Variants in NHERF2 observed in about 807,000 individuals in gnomAD.
NHERF2 encodes NHERF family PDZ scaffold protein 2.
chr16:2,027,133 C>T, the NHERF2 span: 3 of 1,472,936 alleles, frequency 2.0e-6, no homozygotes, highest in Admixed American at 4.5e-5. Flanking sequence ...GAACCCGGTT[C>T]CCCCGCCGAG....
chr16:2,036,570 C>T, the NHERF2 span: 4 of 1,526,150 alleles, frequency 2.6e-6, no homozygotes, highest in Non-Finnish European at 2.6e-6. Context: ...GCCCTGGGTC[C>T]TTGCAGGGAG....
At chr16:2,037,754 T>G in the NHERF2 span, 1 of 1,549,928 alleles carries the variant, frequency 6.5e-7, no homozygotes, top group Non-Finnish European at 8.7e-7. Context: ...GGTTGCTCCC[T>G]AGGAGGGGCC....
the NHERF2 span, among the ~76,000 whole-genome samples, chr16:2,030,080 C>T: frequency 6.6e-6 from 1 of 152,210 alleles, no homozygotes; most frequent in Non-Finnish European, 1.5e-5. Context: ...CCTCCCCAGC[C>T]CCCAGCCTCG....
the NHERF2 span, chr16:2,035,553 A>G: frequency 2.0e-6 from 2 of 986,686 alleles, no homozygotes; most frequent in Non-Finnish European, 2.4e-6. Flanking sequence ...TGCTCCGGCC[A>G]CCGCCATGTT....
chr16:2,029,413 C>T, the NHERF2 span: 4 of 623,914 alleles, frequency 6.4e-6, no homozygotes, highest in Non-Finnish European at 1.1e-5. Flanking sequence ...GAGGGAGCCG[C>T]TGGAGTCCGG....
chr16:2,028,189 A>T, the NHERF2 span, among the ~76,000 whole-genome samples: 1 of 152,132 alleles, frequency 6.6e-6, no homozygotes, highest in African/African-American at 2.4e-5. Context: ...GAACCTAGAG[A>T]TTAGCAGGTT....
the NHERF2 span, among the ~76,000 whole-genome samples, chr16:2,028,551 T>G: frequency 1.3e-5 from 2 of 152,192 alleles, no homozygotes; most frequent in Admixed American, 6.5e-5. Context: ...TTGAGGAAAC[T>G]GATGCCAGAG....
At chr16:2,035,235 C>T in the NHERF2 span, among the ~76,000 whole-genome samples, 7 of 152,262 alleles carry the variant, frequency 4.6e-5, no homozygotes, top group South Asian at 1.5e-3. Flanking sequence ...CCCCTTGCTC[C>T]CTTGGCGGGG....
chr16:2,036,480 C>G, the NHERF2 span: 1,306 of 1,596,964 alleles, frequency 8.2e-4, 1 homozygote, highest in Non-Finnish European at 1.0e-3. Flanking sequence ...CTCTGGCCTC[C>G]GCGCCCAGGA....
At chr16:2,036,936 T>C in the NHERF2 span, 2 of 1,568,570 alleles carry the variant, frequency 1.3e-6, no homozygotes, top group Non-Finnish European at 1.7e-6. Flanking sequence ...GAGCAGCCAC[T>C]GACACGCTGT....
the NHERF2 span, chr16:2,037,449 A>G: frequency 1.3e-5 from 16 of 1,216,484 alleles, no homozygotes; most frequent in Non-Finnish European, 1.5e-5. Flanking sequence ...AGGAGCACAC[A>G]CTGGGGGGGG....
the NHERF2 span, chr16:2,037,685 A>C: frequency 3.2e-6 from 5 of 1,563,854 alleles, no homozygotes; most frequent in African/African-American, 4.1e-5. Context: ...CAGCCCGGGC[A>C]GTGGGGTCTC....
At chr16:2,034,742 C>T in the NHERF2 span, among the ~76,000 whole-genome samples, 12 of 135,534 alleles carry the variant, frequency 8.9e-5, no homozygotes, top group South Asian at 2.6e-4. Flanking sequence ...CCTGTCCCCA[C>T]GCCTTCCCTC....
the NHERF2 span, among the ~76,000 whole-genome samples, chr16:2,028,177 T>G: frequency 6.6e-6 from 1 of 152,242 alleles, no homozygotes; most frequent in Admixed American, 6.5e-5. Flanking sequence ...TGGCTGGTCC[T>G]GGAACCTAGA....
chr16:2,033,082 G>T, the NHERF2 span: 1 of 985,234 alleles, frequency 1.0e-6, no homozygotes, highest in Admixed American at 6.1e-5. Context: ...GGGTCCTGGG[G>T]CAGGGCAGGG....
chr16:2,037,732 G>A, the NHERF2 span: 2 of 1,550,214 alleles, frequency 1.3e-6, no homozygotes, highest in African/African-American at 1.4e-5. Flanking sequence ...GCCCCAGCAG[G>A]CAGCCTCTGT....
chr16:2,038,241 CACAG>C, the NHERF2 span: 2 of 572,686 alleles, frequency 3.5e-6, no homozygotes, highest in Non-Finnish European at 6.2e-6. Context: ...GAGAGAGAGA[CACAG>C]AGAGAGACAG....
At chr16:2,038,065 C>G in the NHERF2 span, 1 of 1,529,400 alleles carries the variant, frequency 6.5e-7, no homozygotes, top group South Asian at 1.2e-5. Flanking sequence ...CTCCCCCAGC[C>G]TCAGTGGACT....
chr16:2,036,140 C>G, the NHERF2 span: 1 of 587,712 alleles, frequency 1.7e-6, no homozygotes, highest in African/African-American at 1.9e-5. Flanking sequence ...CAGGCTTTGC[C>G]CAAGTTCCCA....
Sources: allele counts gnomAD v4.1 joint callset (sites outside exome capture counted in the v4.1 genomes callset), GRCh38; gene constraint gnomAD v4.1.1; transcripts MANE v1.5; gene names NCBI Gene and HGNC (gene_info 2026-07-23, HGNC 2026-07-21).